Variants in TRNP1 observed in about 807,000 individuals in gnomAD.
TRNP1 encodes the protein TMF-regulated nuclear protein 1.
A neutral mutation model predicts 12.2 loss-of-function variants in TRNP1; 16 were observed. The ratio of observed to expected loss-of-function variants is 1.31; its 90% CI spans 0.89 to 1.99. TRNP1 has a LOEUF of 1.99. TRNP1 is among the 30% of genes most tolerant of loss of function. TRNP1 has a pLI of 0.00. For synonymous variants in TRNP1, 139 were observed against 166.2 expected, an observed-to-expected ratio of 0.84 and a Z score of 1.26; for missense variants, 338 against 330.4, an observed-to-expected ratio of 1.02 and a Z score of -0.18.
intron 1 of TRNP1, among the ~76,000 whole-genome samples, chr1:26,996,137 C>T (rs577101061): frequency 1.3e-5 from 2 of 152,330 alleles, no homozygotes; most frequent in East Asian, 3.9e-4. Context: ...CCTCTGGATC[C>T]TGTCTGCTCT....
At position 26,994,238 on chromosome 1, in the gene TRNP1, T is replaced by C; in HGVS notation, c.452T>C (p.Leu151Pro). ...LAHRAESLSRLSGGVAQAELY... is the reference protein window; with the variant it reads ...LAHRAESLSRPSGGVAQAELY... Reference sequence around the variant, plus strand: ...CACCGCGCGGAGAGCCTGAGCCGCCTGAGCGGCGGCGTGGCGCAGGCCGAG... The same window carrying C: ...CACCGCGCGGAGAGCCTGAGCCGCCCGAGCGGCGGCGTGGCGCAGGCCGAG... The change falls in exon 1 of 2, where the codon CTG becomes CCG. Residue 151 changes from leucine (L) to proline (P), a missense_variant. Coordinates refer to ENST00000522111, the MANE Select transcript of TRNP1 (RefSeq NM_001013642.3). The surrounding 1 kb of genome is among the most constrained non-coding windows in gnomAD (Gnocchi z 6.9). 2.4e-6 allele frequency: 3 copies of C among 1,239,208 alleles called. No homozygotes were observed. Among genetic ancestry groups the C allele is most frequent in the South Asian group, 2.7e-5 (1 of 37,356 alleles). 76.8% of individuals were successfully genotyped at this position (1,239,208 alleles called of 1,614,324 possible).
In TRNP1 at chr1:26,998,494, T is replaced by G. The variant is rs148350527; in HGVS notation, c.*143-1353T>G. 2.1e-3 allele frequency among the ~76,000 whole-genome samples: 324 copies of G among 152,222 alleles called. 2 individuals carry two copies. Among genetic ancestry groups the G allele is most frequent in the African/African-American group, 7.4e-3 (306 of 41,538 alleles). ...CAAGGTGGTCCAAGCCTGCAGCCGC[T>G]CCCCTGTTGGTGGGTTCTTCAAGAA... On this transcript the variant is annotated intron_variant, in intron 1 of 1. Coordinates refer to ENST00000522111, the MANE Select transcript of TRNP1 (RefSeq NM_001013642.3).
rs2082537586 is a variant in TRNP1 at position 26,994,846 on chromosome 1, G to A, written c.*142+234G>A. ...GCTCAGATCCCAGGAACGGGTTGGC[G>A]GCAAACTTTTACCACTTGGAACCTG... On this transcript the variant is annotated intron_variant, in intron 1 of 1. Coordinates refer to ENST00000522111, the MANE Select transcript of TRNP1 (RefSeq NM_001013642.3). This position sits in a 1 kb window ranked among gnomAD's most constrained non-coding sequence, Gnocchi z 6.9. Among the ~76,000 whole-genome samples the A allele has an allele frequency of 6.6e-6, 1 of 152,190 alleles. No homozygotes were observed. Among genetic ancestry groups the A allele is most frequent in the African/African-American group, 2.4e-5 (1 of 41,438 alleles).
intron 1 of TRNP1, among the ~76,000 whole-genome samples, chr1:26,998,755 C>T (rs898291796): frequency 6.6e-6 from 1 of 152,156 alleles, no homozygotes; most frequent in African/African-American, 2.4e-5. Flanking sequence ...TAATCTGTTC[C>T]GGTTCTCCCA....
At chr1:26,997,630 G>A (rs547091997) in intron 1 of TRNP1, among the ~76,000 whole-genome samples, 2 of 152,172 alleles carry the variant, frequency 1.3e-5, no homozygotes, top group East Asian at 3.9e-4. Flanking sequence ...CTGAGTACAG[G>A]GATCTTGGGG....
rs893255482 is a variant in TRNP1, at chr1:26,994,765, G to A, written c.*142+153G>A. On this transcript the variant is annotated intron_variant, in intron 1 of 1. Coordinates refer to ENST00000522111, the MANE Select transcript of TRNP1 (RefSeq NM_001013642.3). The surrounding 1 kb of genome is among the most constrained non-coding windows in gnomAD (Gnocchi z 6.9). ...TGTTGCCGCCTCTCCCGACCATCTGGAGAGTGAGAGGTGGTAGCATCAAGT... is the reference window on the plus strand; with the variant it reads ...TGTTGCCGCCTCTCCCGACCATCTGAAGAGTGAGAGGTGGTAGCATCAAGT... The A allele has an allele frequency of 6.1e-6, 1 of 164,496 alleles. No individual in the cohort carries two copies. The highest frequency in any genetic ancestry group is 2.4e-5 in the African/African-American group (1 of 41,812). 10.2% of individuals were successfully genotyped at this position (164,496 alleles called of 1,614,324 possible). A position where few individuals can be genotyped will look rare whatever the true frequency, so the allele number is the denominator to read the frequency against.
chr1:26,995,562 G>T (rs1487042622), intron 1 of TRNP1, among the ~76,000 whole-genome samples: 1 of 152,248 alleles, frequency 6.6e-6, no homozygotes, highest in African/African-American at 2.4e-5. Flanking sequence ...CAGAGGGGCT[G>T]TGGTGACGTT....
chr1:26,993,971 C>G lies in TRNP1; in HGVS notation c.185C>G (p.Ala62Gly), dbSNP rs1056530270. Reference sequence around the variant, plus strand: ...CTGCCGGACGCAGCTGGGGCTTCAGCAGGCGCGGCCGAGGACCAGGAGCTG... The same window carrying G: ...CTGCCGGACGCAGCTGGGGCTTCAGGAGGCGCGGCCGAGGACCAGGAGCTG... ...PPLPDAAGAS[A>G]GAAEDQELQR... Residue 62 changes from alanine to glycine, a missense_variant, in exon 1 of 2, where the codon GCA becomes GGA. By Grantham distance (60) the Ala-to-Gly change is moderately conservative (BLOSUM62 0). Coordinates refer to ENST00000522111, the MANE Select transcript of TRNP1 (RefSeq NM_001013642.3). The G allele has an allele frequency of 6.5e-5, 86 of 1,321,370 alleles. No individual in the cohort carries two copies. Among genetic ancestry groups the G allele is most frequent in the Non-Finnish European group, 8.3e-5 (86 of 1,038,764 alleles). The allele number at this position is 1,321,370 out of a possible 1,614,324, so 81.9% of individuals were successfully genotyped here.
intron 1 of TRNP1, among the ~76,000 whole-genome samples, chr1:26,997,088 GC>G (rs1481132477): frequency 6.6e-6 from 1 of 151,132 alleles, no homozygotes; most frequent in African/African-American, 2.4e-5. Flanking sequence ...TGTAATCCCA[GC>G]ACTTTGGGAG....
rs771657518 is a variant in TRNP1 at position 26,993,738 on chromosome 1, C to T, written c.-49C>T. On this transcript the variant is annotated 5_prime_UTR_variant, in exon 1 of 2. Coordinates refer to ENST00000522111, the MANE Select transcript of TRNP1 (RefSeq NM_001013642.3). ...TCTAGCTGTTCGGGTGTGCTGTGGT[C>T]ATCCTCCCTGCGCACCTACAGCCGC... 1 of 1,276,462 alleles carries T rather than the reference C, an allele frequency of 7.8e-7. No individual in the cohort carries two copies. Among genetic ancestry groups the T allele is most frequent in the Non-Finnish European group, 9.9e-7 (1 of 1,012,248 alleles). The allele number at this position is 1,276,462 out of a possible 1,614,324, so 79.1% of individuals were successfully genotyped here.
chr1:26,996,250 C>T (rs1050681696), intron 1 of TRNP1, among the ~76,000 whole-genome samples: 3 of 152,210 alleles, frequency 2.0e-5, no homozygotes, highest in African/African-American at 7.2e-5. Context: ...CTTCCTTCCA[C>T]AGGAATCTGG....
intron 1 of TRNP1, among the ~76,000 whole-genome samples, chr1:26,996,766 TAGAGAATTAGAGACGACACTGGCTA>T (rs2082547193): frequency 6.6e-6 from 1 of 150,720 alleles, no homozygotes; most frequent in Non-Finnish European, 1.5e-5. Flanking sequence ...GGTGGGTGAG[TAGAGAATTAGAGACGACACTGGCTA>T]GTGTGTGTGT....
rs571374604 is a variant in TRNP1, at chr1:26,994,197, C to A, written c.411C>A (p.Ala137=). Residue 137 remains alanine (A), a synonymous_variant, in exon 1 of 2, where the codon GCC becomes GCA. Transcript: ENST00000522111. The surrounding 1 kb of genome is among the most constrained non-coding windows in gnomAD (Gnocchi z 6.9). ...VLQLHRVFLA[A]ELRLAHRAES... ...AGCTGCACCGCGTTTTCTTGGCGGC[C>A]GAGCTGCGCCTGGCGCACCGCGCGG... 1.5e-6 allele frequency: 2 copies of A among 1,291,758 alleles called. No individual in the cohort carries two copies. Among genetic ancestry groups the A allele is most frequent in the Non-Finnish European group, 2.0e-6 (2 of 1,014,968 alleles). The allele number at this position is 1,291,758 out of a possible 1,614,324, so 80.0% of individuals were successfully genotyped here.
At chr1:26,995,893 G>A (rs2082542913) in intron 1 of TRNP1, among the ~76,000 whole-genome samples, 4 of 152,242 alleles carry the variant, frequency 2.6e-5, no homozygotes, top group Admixed American at 2.6e-4. Flanking sequence ...GCCTCCCAAA[G>A]TGTTGGGATT....
At position 26,994,591 on chromosome 1, in the gene TRNP1, G is replaced by T; in HGVS notation, c.*121G>T. 2 of 758,270 alleles carry T rather than the reference G, an allele frequency of 2.6e-6. No individual in the cohort carries two copies. Among genetic ancestry groups the T allele is most frequent in the Non-Finnish European group, 3.3e-6 (2 of 609,230 alleles). The allele number at this position is 758,270 out of a possible 1,614,324, so 47.0% of individuals were successfully genotyped here. A position where few individuals can be genotyped will look rare whatever the true frequency, so the allele number is the denominator to read the frequency against. On this transcript the variant is annotated 3_prime_UTR_variant, in exon 1 of 2. Coordinates refer to ENST00000522111, the MANE Select transcript of TRNP1 (RefSeq NM_001013642.3). This position sits in a 1 kb window ranked among gnomAD's most constrained non-coding sequence, Gnocchi z 6.9. Reference sequence around the variant, plus strand: ...GCAGGAAGAGGCAGTTGGGGGCCAGGGGCCCAGTAGAGGAGGCTGAGGTGC... The same window carrying T: ...GCAGGAAGAGGCAGTTGGGGGCCAGTGGCCCAGTAGAGGAGGCTGAGGTGC...
chr1:26,995,009 T>A (rs1200156251), intron 1 of TRNP1, among the ~76,000 whole-genome samples: 10 of 152,196 alleles, frequency 6.6e-5, no homozygotes, highest in Admixed American at 6.5e-4. Context: ...GAGGACAGAA[T>A]AATGAGGCCC....
rs78539497 is a variant in TRNP1, at chr1:26,996,085, G to A, written c.*142+1473G>A. Reference sequence around the variant, plus strand: ...GAATCAAGGTCCCTGGCCTGTGTGTGCACCTCCCACAGTACCCTGGGCAGG... The same window carrying A: ...GAATCAAGGTCCCTGGCCTGTGTGTACACCTCCCACAGTACCCTGGGCAGG... On this transcript the variant is annotated intron_variant, in intron 1 of 1. Coordinates refer to ENST00000522111, the MANE Select transcript of TRNP1 (RefSeq NM_001013642.3). Among the ~76,000 whole-genome samples the A allele has an allele frequency of 1.5e-3, 228 of 152,298 alleles. 5 individuals carry two copies. In the East Asian group the frequency reaches 0.033, roughly 22 times the overall value.
At position 26,994,605 on chromosome 1, in the gene TRNP1, A is replaced by G; in HGVS notation, c.*135A>G. On this transcript the variant is annotated 3_prime_UTR_variant, in exon 1 of 2. Transcript: ENST00000522111. This position sits in a 1 kb window ranked among gnomAD's most constrained non-coding sequence, Gnocchi z 6.9. ...TTGGGGGCCAGGGGCCCAGTAGAGG[A>G]GGCTGAGGTGCGGTCTTAGCGGCTG... 1.6e-6 allele frequency: 1 copy of G among 635,026 alleles called. No homozygotes were observed. Among genetic ancestry groups the G allele is most frequent in the Non-Finnish European group, 2.0e-6 (1 of 494,992 alleles). The allele number at this position is 635,026 out of a possible 1,614,324, so 39.3% of individuals were successfully genotyped here. A position where few individuals can be genotyped will look rare whatever the true frequency, so the allele number is the denominator to read the frequency against.
chr1:26,993,849 G>C lies in TRNP1; in HGVS notation c.63G>C (p.Arg21Ser), dbSNP rs1466453913. 7 of 1,355,178 alleles carry C rather than the reference G, an allele frequency of 5.2e-6. No individual in the cohort carries two copies. Among genetic ancestry groups the C allele is most frequent in the Non-Finnish European group, 6.6e-6 (7 of 1,061,298 alleles). 83.9% of individuals were successfully genotyped at this position (1,355,178 alleles called of 1,614,324 possible). ...PGAQEGTAEQ[R>S]SPPPPWDPMP... ...CCCAGGAGGGGACGGCAGAGCAGAG[G>C]TCGCCGCCGCCGCCCTGGGATCCCA... Residue 21 changes from arginine (R) to serine (S), a missense_variant, in exon 1 of 2, where the codon AGG (arginine) becomes AGC (serine). Physicochemically the swap from Arg to Ser is moderately radical, Grantham distance 110 (BLOSUM62 -1). Transcript: ENST00000522111.
Sources: gnomAD v4.1 joint callset for allele counts (sites outside exome capture counted in the v4.1 genomes callset) on GRCh38, gnomAD v4.1.1 for gene constraint, Gnocchi (gnomAD v3.1) non-coding constraint, MANE v1.5 for transcripts, NCBI Gene and HGNC (gene_info 2026-07-23, HGNC 2026-07-21) for gene names.